Variants in RBFOX1 observed in about 807,000 individuals in gnomAD.
RBFOX1 encodes RNA binding fox-1 homolog 1.
In RBFOX1, 8 loss-of-function variants were observed where a neutral mutation model predicts 57.7. The observed-to-expected ratio is 0.14, with a 90% CI of 0.08 to 0.25. RBFOX1 has a LOEUF of 0.25. Among genes scored for constraint, RBFOX1 ranks in the 10% least tolerant of loss-of-function variants. RBFOX1 has a pLI of 1.00. For missense variants in RBFOX1, 611 were observed against 548.5 expected (o/e 1.11, Z -1.14); for synonymous variants, 326 against 222.4 (o/e 1.47, Z -4.15).
At chr16:6,124,596 A>G (rs1161049045) in intron 1 of RBFOX1, among the ~76,000 whole-genome samples, 1 of 152,002 alleles carries the variant, frequency 6.6e-6, no homozygotes, top group Non-Finnish European at 1.5e-5. Context: ...TCCACCTCCC[A>G]GGTTCAAGCA....
chr16:7,251,474 G>A (rs772192748), intron 4 of RBFOX1, among the ~76,000 whole-genome samples: 7 of 150,392 alleles, frequency 4.7e-5, no homozygotes, highest in South Asian at 2.1e-4. Context: ...GCAGTGGCGC[G>A]GTCTTGGCTC....
At chr16:5,517,521 G>A (rs545275741) in intron 2 of RBFOX1, among the ~76,000 whole-genome samples, 7 of 152,096 alleles carry the variant, frequency 4.6e-5, no homozygotes, top group South Asian at 2.1e-4. Context: ...AATTTTATTG[G>A]ACCAGATTTG....
chr16:6,126,998 G>A (rs1021738966), intron 1 of RBFOX1, among the ~76,000 whole-genome samples: 4 of 152,278 alleles, frequency 2.6e-5, no homozygotes, highest in East Asian at 1.9e-4. Flanking sequence ...GGATGGTCGG[G>A]GAAGGCTCTC....
chr16:7,614,400 G>A (rs1029967984), intron 10 of RBFOX1: 1 of 151,670 alleles, frequency 6.6e-6, no homozygotes, highest in African/African-American at 2.4e-5. Flanking sequence ...CCCATATTTG[G>A]CCTTAATTTT....
chr16:6,280,953 A>ATG (rs148035207), intron 1 of RBFOX1, among the ~76,000 whole-genome samples: 20,284 of 148,870 alleles, frequency 0.14, 1,966 homozygotes, highest in African/African-American at 0.28. Context: ...CTAGCAACAT[A>ATG]TGTGTGTGTG....
intron 1 of RBFOX1, among the ~76,000 whole-genome samples, chr16:5,301,353 C>T (rs1271503979): frequency 6.6e-6 from 1 of 152,218 alleles, no homozygotes; most frequent in South Asian, 2.1e-4. Context: ...GGTGCGGTGG[C>T]TCATGCCTGT....
At chr16:5,917,614 C>T (rs981823594) in intron 4 of RBFOX1, among the ~76,000 whole-genome samples, 1 of 152,148 alleles carries the variant, frequency 6.6e-6, no homozygotes, top group Non-Finnish European at 1.5e-5. Context: ...CATGTGAGTT[C>T]TGCCTCCTTT....
chr16:7,370,048 T>C (rs573933849), intron 4 of RBFOX1, among the ~76,000 whole-genome samples: 1 of 152,306 alleles, frequency 6.6e-6, no homozygotes, highest in South Asian at 2.1e-4. Flanking sequence ...CTTGAGACTA[T>C]TGACATTTTC....
At position 6,215,780 on chromosome 16, in the gene RBFOX1, C is replaced by T. The variant is rs527773726; in HGVS notation, c.-126-101215C>T. Among the ~76,000 whole-genome samples the T allele has an allele frequency of 3.9e-5, 6 of 152,230 alleles. 1 individual carries two copies. In the South Asian group the frequency reaches 1.2e-3, roughly 32 times the overall value. Reference sequence around the variant, plus strand: ...AAAGCAAGTATTCTGTGGTATTTAACCCAGCCTGTTTTCTTACATGGAGAA... The same window carrying T: ...AAAGCAAGTATTCTGTGGTATTTAATCCAGCCTGTTTTCTTACATGGAGAA... On this transcript the variant is annotated intron_variant, in intron 1 of 15. Transcript: ENST00000550418.
chr16:7,314,175 A>G (rs2096385641), intron 4 of RBFOX1, among the ~76,000 whole-genome samples: 1 of 152,160 alleles, frequency 6.6e-6, no homozygotes, highest in East Asian at 1.9e-4. Flanking sequence ...GATGGAGTGT[A>G]TTTCTCCGCA....
chr16:7,530,760 G>A (rs2079859384), intron 5 of RBFOX1, among the ~76,000 whole-genome samples: 1 of 152,200 alleles, frequency 6.6e-6, no homozygotes. Flanking sequence ...AATCTCTGCA[G>A]GAGTTCAGAA....
intron 4 of RBFOX1, among the ~76,000 whole-genome samples, chr16:5,945,751 C>T (rs374970970): frequency 6.6e-6 from 1 of 152,182 alleles, no homozygotes; most frequent in East Asian, 1.9e-4. Context: ...CCTGACTTTG[C>T]CAGATATTGC....
chr16:6,094,656 G>A (rs568836294), intron 1 of RBFOX1, among the ~76,000 whole-genome samples: 1 of 152,322 alleles, frequency 6.6e-6, no homozygotes, highest in South Asian at 2.1e-4. Flanking sequence ...AGTGCTGGGA[G>A]TTTAAGATCA....
chr16:5,581,514 A>C (rs1436210682), intron 2 of RBFOX1, among the ~76,000 whole-genome samples: 1 of 152,208 alleles, frequency 6.6e-6, no homozygotes, highest in African/African-American at 2.4e-5. Flanking sequence ...CAAGTAACTA[A>C]TTACAAGCTT....
At chr16:6,142,471 T>G (rs1260689527) in intron 1 of RBFOX1, among the ~76,000 whole-genome samples, 1 of 152,018 alleles carries the variant, frequency 6.6e-6, no homozygotes, top group African/African-American at 2.4e-5. Context: ...TTCGCCCGCC[T>G]CGGCCTCCCA....
chr16:6,043,728 T>A (rs562930905), intron 1 of RBFOX1, among the ~76,000 whole-genome samples: 2 of 152,284 alleles, frequency 1.3e-5, no homozygotes, highest in South Asian at 4.1e-4. Context: ...GAAGCCAGTA[T>A]GGAAGGAGAA....
At chr16:6,691,626 A>C (rs904216846) in intron 3 of RBFOX1, among the ~76,000 whole-genome samples, 3 of 152,184 alleles carry the variant, frequency 2.0e-5, no homozygotes, top group African/African-American at 7.2e-5. Context: ...CCACTGTTTA[A>C]GATGACCTTG....
At chr16:5,932,700 G>A (rs2059088365) in intron 4 of RBFOX1, among the ~76,000 whole-genome samples, 1 of 152,102 alleles carries the variant, frequency 6.6e-6, no homozygotes, top group Non-Finnish European at 1.5e-5. Flanking sequence ...CCACCACTGG[G>A]GTCAGGAGGC....
At chr16:6,411,559 C>T (rs966595281) in intron 2 of RBFOX1, among the ~76,000 whole-genome samples, 6 of 152,010 alleles carry the variant, frequency 3.9e-5, no homozygotes, top group African/African-American at 1.4e-4. Flanking sequence ...TTTCTATGGC[C>T]ATGGACATTA....
Sources: gnomAD v4.1 joint callset for allele counts (sites outside exome capture counted in the v4.1 genomes callset) on GRCh38, gnomAD v4.1.1 for gene constraint, MANE v1.5 for transcripts, NCBI Gene and HGNC (gene_info 2026-07-23, HGNC 2026-07-21) for gene names.